BECN1: variants seen among roughly 807,000 people sequenced by gnomAD.
BECN1 encodes beclin-1.
A neutral mutation model predicts 60.1 loss-of-function variants in BECN1; 15 were observed. That is an observed-to-expected ratio of 0.25 (90% CI 0.17 to 0.38). The LOEUF is 0.38. Among genes scored for constraint, BECN1 ranks in the 10% least tolerant of loss-of-function variants. The pLI is 1.00. For synonymous variants in BECN1, 179 were observed against 201.8 expected, an observed-to-expected ratio of 0.89 and a Z score of 0.96; for missense variants, 424 against 548.2, an observed-to-expected ratio of 0.77 and a Z score of 2.26.
At chr17:42,811,974 A>G (rs1256966909) in intron 10 of BECN1, 177 bp from the exon 11 acceptor site, 1 of 696,706 alleles carries the variant, frequency 1.4e-6, no homozygotes, top group East Asian at 2.8e-5. Context: ...TGGGCAAGTA[A>G]CAATGCACTT....
At chr17:42,816,584 A>G (rs1051932156) in intron 7 of BECN1, among the ~76,000 whole-genome samples, 2 of 148,710 alleles carry the variant, frequency 1.3e-5, no homozygotes, top group Admixed American at 1.3e-4. Context: ...CCCAGGAGGC[A>G]GAGGTTGCAG....
intron 2 of BECN1, 90 bp from the exon 3 acceptor site, chr17:42,820,931 A>C: frequency 1.8e-5 from 21 of 1,152,740 alleles, no homozygotes; most frequent in Non-Finnish European, 2.2e-5. Flanking sequence ...AAATATTCTC[A>C]TCACCACCCT....
At chr17:42,814,064 G>A (rs574099052) in intron 9 of BECN1, 56 bp from the exon 10 acceptor site, 6 of 1,283,990 alleles carry the variant, frequency 4.7e-6, no homozygotes, top group Non-Finnish European at 6.6e-6. Context: ...AGTGATTATT[G>A]GGAAGTTACA....
chr17:42,824,262 G>A lies in BECN1; in HGVS notation c.-110C>T. 1 of 400,148 alleles carries A rather than the reference G, an allele frequency of 2.5e-6. No homozygotes were observed. The highest frequency in any genetic ancestry group is 4.4e-6 in the Non-Finnish European group (1 of 226,348). The allele number at this position is 400,148 out of a possible 1,614,324, so 24.8% of individuals were successfully genotyped here. The stretch of plus-strand genomic sequence containing the variant: ...CAGAACTACCATCGCTCTGTCTTCA[G>A]CGACTTCCCGGTAGCCGCCGGAAAA... On this transcript the variant is annotated 5_prime_UTR_variant, in exon 1 of 12. Transcript: ENST00000590099.
At chr17:42,810,984 C>T (rs1046071039) in intron 11 of BECN1, 56 bp from the exon 12 acceptor site, 10 of 1,474,060 alleles carry the variant, frequency 6.8e-6, no homozygotes, top group African/African-American at 2.8e-5. Flanking sequence ...TAAGTAAGTT[C>T]GGGGCAGGGA....
At chr17:42,823,636 AG>A in intron 2 of BECN1, 111 bp downstream of exon 2, 8 of 1,403,542 alleles carry the variant, frequency 5.7e-6, no homozygotes, top group Non-Finnish European at 6.7e-6. Context: ...TGACTTTCCT[AG>A]GTTCACACGA....
intron 2 of BECN1, among the ~76,000 whole-genome samples, chr17:42,822,090 C>T (rs2055277087): frequency 6.6e-6 from 1 of 152,132 alleles, no homozygotes; most frequent in African/African-American, 2.4e-5. Flanking sequence ...GCAGTCCCAG[C>T]TACTCAGGAG....
At chr17:42,814,386 G>A (rs2144165190) in intron 9 of BECN1, 138 bp downstream of exon 9, 1 of 1,173,262 alleles carries the variant, frequency 8.5e-7, no homozygotes, top group East Asian at 2.4e-5. Flanking sequence ...AAAATCAGAT[G>A]CTGACAGCTC....
intron 8 of BECN1, 108 bp from the exon 9 acceptor site, chr17:42,814,781 T>A: frequency 7.2e-7 from 1 of 1,383,254 alleles, no homozygotes; most frequent in South Asian, 1.3e-5. Flanking sequence ...CAAGTCCATA[T>A]ATGCAAGCTG....
In BECN1 at chr17:42,810,650, G is replaced by T; in HGVS notation, c.*110C>A. On this transcript the variant is annotated 3_prime_UTR_variant, in exon 12 of 12. Transcript: ENST00000590099. ...GGCTTTTGTGGATTTTTTCTTTTTT[G>T]GTATTGTAAACATGTACTGTTTAAT... 1.8e-5 allele frequency: 21 copies of T among 1,143,304 alleles called. No homozygotes were observed. The highest frequency in any genetic ancestry group is 8.3e-5 in the East Asian group (3 of 36,164). The allele number at this position is 1,143,304 out of a possible 1,614,324, so 70.8% of individuals were successfully genotyped here. A position where few individuals can be genotyped will look rare whatever the true frequency, so the allele number is the denominator to read the frequency against.
chr17:42,810,909 T>G lies in BECN1; in HGVS notation c.1204A>C (p.Lys402Gln). ...CCACTGCCTCCTGTGTCTTCAATCT[T>G]GCCTTTCTCCACATCCATCCTGCAG... is the stretch of plus-strand genomic sequence containing the variant. ...LPYRMDVEKGKIEDTGGSGGS... is the reference protein window; with the variant it reads ...LPYRMDVEKGQIEDTGGSGGS... The change falls in exon 12 of 12, where the codon AAG (lysine) becomes CAG (glutamine). Residue 402 changes from lysine (K) to glutamine (Q), a missense_variant. Transcript: ENST00000590099. 1 of 1,610,540 alleles carries G rather than the reference T, an allele frequency of 6.2e-7. No individual in the cohort carries two copies. The highest frequency in any genetic ancestry group is 8.5e-7 in the Non-Finnish European group (1 of 1,178,586).
At chr17:42,820,673 T>C (rs2055244069) in intron 3 of BECN1, 101 bp downstream of exon 3, 5 of 1,228,176 alleles carry the variant, frequency 4.1e-6, no homozygotes, top group Admixed American at 4.2e-5. Flanking sequence ...AAGCGCCAAG[T>C]AGCCTGCAGA....
intron 7 of BECN1, 42 bp downstream of exon 7, chr17:42,818,179 G>A (rs761211050): frequency 1.4e-5 from 22 of 1,593,286 alleles, no homozygotes; most frequent in Non-Finnish European, 1.8e-5. Context: ...TTCCTCTCCT[G>A]GAGCCTCGAG....
rs2055106266 is a variant in BECN1 at position 42,814,573 on chromosome 17, C to A, written c.931G>T (p.Val311Leu). The change falls in exon 9 of 12, where the codon GTG (valine) becomes TTG (leucine). Residue 311 changes from valine (V) to leucine (L), a missense_variant. Val to Leu is a conservative substitution (Grantham distance 32, BLOSUM62 1). This residue lies in a region of BECN1 where 326 missense variants were observed against 406.2 expected (regional missense o/e 0.80). Coordinates refer to ENST00000590099, the MANE Select transcript of BECN1 (RefSeq NM_001313998.2). ...NEINAAWGQT[V>L]LLLHALANKM... ...TTGGCCAGAGCATGGAGCAGCAACA[C>A]AGTCTGGCCCCAAGCAGCATTAATC... 6.2e-7 allele frequency: 1 copy of A among 1,614,210 alleles called. No homozygotes were observed. Among genetic ancestry groups the A allele is most frequent in the Middle Eastern group, 1.6e-4 (1 of 6,062 alleles).
chr17:42,814,743 C>T (rs1476991593), intron 8 of BECN1, 70 bp from the exon 9 acceptor site: 1 of 1,574,626 alleles, frequency 6.4e-7, no homozygotes, highest in East Asian at 2.3e-5. Flanking sequence ...TTCCCACTCT[C>T]ACCCCAAACC....
In BECN1 at chr17:42,811,681, G is replaced by T; in HGVS notation, c.1158C>A (p.Gly386=). ...VQQFKEEVEK[G]ETRFCLPYRM... ...TGTAGGGAAGACAAAAACGTGTCTC[G>T]CCTTTCTCAACCTCTTCTTTGAACT... is the stretch of plus-strand genomic sequence containing the variant. Residue 386 remains glycine (G), a synonymous_variant, in exon 11 of 12, where the codon GGC becomes GGA. Transcript: ENST00000590099. 5 of 1,613,966 alleles carry T rather than the reference G, an allele frequency of 3.1e-6. No individual in the cohort carries two copies. The highest frequency in any genetic ancestry group is 4.2e-6 in the Non-Finnish European group (5 of 1,179,954).
chr17:42,814,618 C>A lies in BECN1; in HGVS notation c.886G>T (p.Val296Phe). 2 of 1,614,192 alleles carry A rather than the reference C, an allele frequency of 1.2e-6. No homozygotes were observed. The highest frequency in any genetic ancestry group is 1.7e-6 in the Non-Finnish European group (2 of 1,180,028). Reference protein sequence around the residue: ...NNFRLGRLPSVPVEWNEINAA... With the variant: ...NNFRLGRLPSFPVEWNEINAA... ...TTAATCTCATTCCATTCCACGGGAA[C>A]ACTGGGCAGGCGACCCAGCCTGAAG... The change falls in exon 9 of 12, where the codon GTT becomes TTT. Residue 296 changes from valine to phenylalanine, a missense_variant. Physicochemically the swap from Val to Phe is conservative, Grantham distance 50. Transcript: ENST00000590099.
At chr17:42,822,253 G>C (rs1253305923) in intron 2 of BECN1, among the ~76,000 whole-genome samples, 1 of 152,180 alleles carries the variant, frequency 6.6e-6, no homozygotes, top group Non-Finnish European at 1.5e-5. Context: ...AGAGAAACCA[G>C]GTAATAATAG....
chr17:42,813,347 C>T (rs1402480259), intron 10 of BECN1, among the ~76,000 whole-genome samples: 1 of 151,578 alleles, frequency 6.6e-6, no homozygotes, highest in African/African-American at 2.4e-5. Flanking sequence ...CCAGCCTGGT[C>T]CAACATGGTA....
Sources: gnomAD v4.1 joint callset for allele counts (sites outside exome capture counted in the v4.1 genomes callset) on GRCh38, gnomAD v4.1.1 for gene constraint, gnomAD v4.1.1 regional missense constraint, MANE v1.5 for transcripts, NCBI Gene and HGNC (gene_info 2026-07-23, HGNC 2026-07-21) for gene names.